NAV2: variants seen among roughly 807,000 people sequenced by gnomAD.
NAV2 encodes the protein helicase, APC down-regulated 1.
NAV2 carries 54 observed loss-of-function variants against 223.2 expected under a neutral mutation model. That is an observed-to-expected ratio of 0.24 (90% CI 0.19 to 0.30). NAV2 has a LOEUF of 0.30. Among genes scored for constraint, NAV2 ranks in the 10% least tolerant of loss-of-function variants. NAV2 has a pLI of 1.00. For missense variants in NAV2, 2,806 were observed against 3,147.5 expected (o/e 0.89, Z 2.60); for synonymous variants, 1,279 against 1,239.3 (o/e 1.03, Z -0.67).
intron 14 of NAV2, among the ~76,000 whole-genome samples, chr11:20,046,190 G>A (rs2057403987): frequency 7.1e-6 from 1 of 140,406 alleles, no homozygotes; most frequent in South Asian, 2.2e-4. Context: ...AAAAAAATTA[G>A]CCTGGCATGG....
intron 19 of NAV2, among the ~76,000 whole-genome samples, chr11:20,059,125 G>A (rs888613666): frequency 5.3e-5 from 8 of 151,472 alleles, no homozygotes; most frequent in African/African-American, 1.9e-4. Flanking sequence ...TTTCATCAAT[G>A]TCTTCTCTGT....
chr11:20,114,729 C>T lies in NAV2; in HGVS notation c.7098C>T (p.Tyr2366=). 6.2e-7 allele frequency: 1 copy of T among 1,614,126 alleles called. No homozygotes were observed. The highest frequency in any genetic ancestry group is 1.1e-5 in the South Asian group (1 of 91,066). ...CTGAGGATGTCGGCTTCGACGGCTACTCCATGCCTCGGGAGGGATCGACAA... is the reference window on the plus strand; with the variant it reads ...CTGAGGATGTCGGCTTCGACGGCTATTCCATGCCTCGGGAGGGATCGACAA... ...LRPEDVGFDG[Y]SMPREGSTSK... The change falls in exon 37 of 38, where the codon TAC becomes TAT. Residue 2366 remains tyrosine (Y), a synonymous_variant. Transcript: ENST00000349880.
intron 1 of NAV2, among the ~76,000 whole-genome samples, chr11:19,732,421 A>G (rs2051878381): frequency 1.3e-5 from 2 of 152,226 alleles, no homozygotes; most frequent in Admixed American, 1.3e-4. Flanking sequence ...TGAAAAGTAG[A>G]CCATTCATAT....
chr11:19,846,883 G>T (rs1051737007), intron 3 of NAV2, among the ~76,000 whole-genome samples: 1 of 152,272 alleles, frequency 6.6e-6, no homozygotes, highest in South Asian at 2.1e-4. Flanking sequence ...TTTAAGGAGC[G>T]CTTTGCCCTG....
At chr11:19,565,229 T>G (rs1445907240) in intron 1 of NAV2, among the ~76,000 whole-genome samples, 2 of 152,214 alleles carry the variant, frequency 1.3e-5, no homozygotes, top group East Asian at 3.9e-4. Context: ...ATATGTTTAC[T>G]CCTACATCAA....
At chr11:19,817,047 A>T (rs778738653) in intron 1 of NAV2, among the ~76,000 whole-genome samples, 1 of 152,096 alleles carries the variant, frequency 6.6e-6, no homozygotes, top group Non-Finnish European at 1.5e-5. Flanking sequence ...CTCCCAGGGG[A>T]AATCCTTAAA....
chr11:19,963,989 C>T (rs571686249), intron 10 of NAV2, among the ~76,000 whole-genome samples: 1 of 152,268 alleles, frequency 6.6e-6, no homozygotes, highest in African/African-American at 2.4e-5. Context: ...AATTCCACTC[C>T]CTCAGCCCCT....
chr11:19,549,279 G>A (rs754768074), intron 1 of NAV2, among the ~76,000 whole-genome samples: 20 of 152,214 alleles, frequency 1.3e-4, no homozygotes, highest in Non-Finnish European at 2.1e-4. Context: ...GTGAAGAAAG[G>A]AAACCTGGGA....
chr11:20,048,299 G>A (rs973640670), intron 14 of NAV2, among the ~76,000 whole-genome samples: 1 of 152,164 alleles, frequency 6.6e-6, no homozygotes, highest in African/African-American at 2.4e-5. Context: ...CCTTAGAGTT[G>A]AGCTGTCATA....
intron 1 of NAV2, among the ~76,000 whole-genome samples, chr11:19,637,197 C>T (rs1012965273): frequency 3.3e-5 from 5 of 152,152 alleles, no homozygotes; most frequent in South Asian, 2.1e-4. Context: ...TCCTGGAAAA[C>T]GTAGGTAGTG....
intron 1 of NAV2, among the ~76,000 whole-genome samples, chr11:19,676,490 A>G (rs1288506909): frequency 2.0e-5 from 3 of 152,204 alleles, no homozygotes; most frequent in Non-Finnish European, 2.9e-5. Context: ...TGAAAAAAAA[A>G]AAATTTTTAG....
chr11:19,695,229 A>C (rs1053865680), intron 1 of NAV2, among the ~76,000 whole-genome samples: 4 of 152,234 alleles, frequency 2.6e-5, no homozygotes, highest in African/African-American at 9.6e-5. Context: ...TCTCCGGTCC[A>C]AAACATGACA....
chr11:19,512,912 G>C (rs192212950), intron 1 of NAV2, among the ~76,000 whole-genome samples: 109 of 152,298 alleles, frequency 7.2e-4, no homozygotes, highest in African/African-American at 2.5e-3. Context: ...AACCTGTAAA[G>C]AAGTAAAATA....
intron 10 of NAV2, among the ~76,000 whole-genome samples, chr11:19,953,849 A>ACGCG (rs140047278): frequency 6.3e-5 from 8 of 126,404 alleles, no homozygotes; most frequent in Non-Finnish European, 1.2e-4. Context: ...AGAAATGTGC[A>ACGCG]CGCGCGCGCG....
intron 1 of NAV2, among the ~76,000 whole-genome samples, chr11:19,416,875 G>A (rs147050123): frequency 0.018 from 2,692 of 152,224 alleles, 79 homozygotes; most frequent in African/African-American, 0.062. Flanking sequence ...AATGGTGTTG[G>A]GAAAACTGGC....
chr11:19,844,454 T>A (rs75565060), intron 3 of NAV2, among the ~76,000 whole-genome samples: 1,844 of 152,326 alleles, frequency 0.012, 38 homozygotes, highest in African/African-American at 0.042. Flanking sequence ...CTTATACAGA[T>A]TGAGTAGCCC....
chr11:19,834,314 C>A (rs1297006084), intron 2 of NAV2, among the ~76,000 whole-genome samples: 1 of 152,202 alleles, frequency 6.6e-6, no homozygotes, highest in Non-Finnish European at 1.5e-5. Flanking sequence ...GCTTAGTAGT[C>A]CAATGTCACC....
At chr11:20,015,275 A>T (rs1017854636) in intron 11 of NAV2, among the ~76,000 whole-genome samples, 12 of 152,060 alleles carry the variant, frequency 7.9e-5, no homozygotes, top group South Asian at 2.1e-4. Context: ...GCTACTCCTT[A>T]TGGCCTTGGA....
chr11:19,911,039 T>G (rs2153220773), intron 6 of NAV2, among the ~76,000 whole-genome samples: 1 of 151,722 alleles, frequency 6.6e-6, no homozygotes, highest in East Asian at 1.9e-4. Context: ...ACATTTTTTT[T>G]TTTTTTTTTT....
Sources: allele counts gnomAD v4.1 joint callset (sites outside exome capture counted in the v4.1 genomes callset), GRCh38; gene constraint gnomAD v4.1.1; transcripts MANE v1.5; gene names NCBI Gene and HGNC (gene_info 2026-07-23, HGNC 2026-07-21).